BHMT: variants seen among roughly 807,000 people sequenced by gnomAD.
BHMT encodes betaine--homocysteine S-methyltransferase 1.
A neutral mutation model predicts 49.5 loss-of-function variants in BHMT; 38 were observed. That is an observed-to-expected ratio of 0.77 (90% confidence interval 0.59 to 1.01). The LOEUF (loss-of-function observed/expected upper bound fraction) is 1.01. Among genes scored for constraint, BHMT ranks in the 50% least tolerant of loss-of-function variants. The pLI is 0.00. For synonymous variants in BHMT, 166 were observed against 176.3 expected (o/e 0.94, Z 0.46); for missense variants, 426 against 495.7 (o/e 0.86, Z 1.34).
chr5:79,129,396 C>A (rs1756603498), intron 7 of BHMT, among the ~76,000 whole-genome samples: 1 of 152,106 alleles, frequency 6.6e-6, no homozygotes, highest in African/African-American at 2.4e-5. Context: ...AGGAACAGCC[C>A]TCAGGAAAGC....
intron 1 of BHMT, among the ~76,000 whole-genome samples, chr5:79,114,770 T>C (rs1369880676): frequency 6.6e-6 from 1 of 152,232 alleles, no homozygotes; most frequent in Admixed American, 6.5e-5. Context: ...ACTCTGGGTC[T>C]TAATTTCTCA....
At chr5:79,119,860 A>T (rs1405938220) in intron 3 of BHMT, among the ~76,000 whole-genome samples, 1 of 152,214 alleles carries the variant, frequency 6.6e-6, no homozygotes, top group African/African-American at 2.4e-5. Context: ...TTGTTTGTTG[A>T]GCATAACAAA....
At position 79,131,271 on chromosome 5, in the gene BHMT, G is replaced by C. The variant is rs967748391; in HGVS notation, c.*155G>C. 10 of 737,804 alleles carry C rather than the reference G, an allele frequency of 1.4e-5. No individual in the cohort carries two copies. In the Admixed American group the frequency reaches 3.3e-4, roughly 24 times the overall value. The allele number at this position is 737,804 out of a possible 1,614,324, so 45.7% of individuals were successfully genotyped here. ...CAAAATAGAATTACAAATAGCACTTGATAATTTTAAAGTATGTTTTAGAAA... is the reference window on the plus strand; with the variant it reads ...CAAAATAGAATTACAAATAGCACTTCATAATTTTAAAGTATGTTTTAGAAA... On this transcript the variant is annotated 3_prime_UTR_variant, in exon 8 of 8. Transcript: ENST00000274353.
At chr5:79,124,877 A>T (rs1756524475) in intron 5 of BHMT, among the ~76,000 whole-genome samples, 1 of 152,192 alleles carries the variant, frequency 6.6e-6, no homozygotes. Flanking sequence ...TTTTCCCCAA[A>T]CTATTAATCC....
chr5:79,126,121 G>C lies in BHMT; in HGVS notation c.701G>C (p.Gly234Ala). The C allele has an allele frequency of 6.2e-6, 10 of 1,613,502 alleles. No individual in the cohort carries two copies. Among genetic ancestry groups the C allele is most frequent in the Non-Finnish European group, 8.5e-6 (10 of 1,179,494 alleles). ...AAAACAGTGAAGCTCATGAAGGAGG[G>C]CTTGGAGGCTGCCCGACTGAAAGCT... ...SLKTVKLMKE[G>A]LEAARLKAHL... Residue 234 changes from glycine to alanine, a missense_variant, in exon 6 of 8, where the codon GGC becomes GCC. Physicochemically the swap from Gly to Ala is moderately conservative, Grantham distance 60. This residue lies in a region of BHMT where 321 missense variants were observed against 355.9 expected (regional missense o/e 0.90). Coordinates refer to ENST00000274353, the MANE Select transcript of BHMT (RefSeq NM_001713.3).
intron 7 of BHMT, among the ~76,000 whole-genome samples, chr5:79,128,635 T>TA (rs1219589837): frequency 6.6e-6 from 1 of 152,160 alleles, no homozygotes; most frequent in Non-Finnish European, 1.5e-5. Context: ...ACAATACTCT[T>TA]AAATTGCATT....
chr5:79,121,817 T>TA (rs34861837), intron 5 of BHMT, among the ~76,000 whole-genome samples: 86,400 of 126,284 alleles, frequency 0.68, 28,050 homozygotes, highest in East Asian at 0.82. Flanking sequence ...TCCGTCTCAA[T>TA]AAAAAAAAAA....
chr5:79,113,528 A>G (rs1193955746), intron 1 of BHMT, among the ~76,000 whole-genome samples: 1 of 152,236 alleles, frequency 6.6e-6, no homozygotes, highest in African/African-American at 2.4e-5. Flanking sequence ...TGAGTTTAAA[A>G]TTAAAATAAA....
intron 1 of BHMT, among the ~76,000 whole-genome samples, chr5:79,113,726 T>C (rs1259544262): frequency 2.6e-5 from 4 of 152,148 alleles, no homozygotes; most frequent in Admixed American, 1.3e-4. Context: ...ATTTTTTTCA[T>C]AGCACATTCC....
At chr5:79,119,745 G>T in intron 3 of BHMT, 1 of 186,764 alleles carries the variant, frequency 5.4e-6, no homozygotes, top group Non-Finnish European at 1.1e-5. Context: ...AATAGTGCCT[G>T]ACTCAAGCAT....
chr5:79,121,229 C>T lies in BHMT; in HGVS notation c.489C>T (p.His163=), dbSNP rs746836830. The T allele has an allele frequency of 2.7e-5, 43 of 1,613,902 alleles. No homozygotes were observed. Among genetic ancestry groups the T allele is most frequent in the Non-Finnish European group, 3.2e-5 (38 of 1,179,904 alleles). ...VDFLIAEYFE[H]VEEAVWAVET... ...TTAACTGATTCCAGTATTTTGAACACGTTGAAGAAGCTGTGTGGGCAGTTG... is the reference window on the plus strand; with the variant it reads ...TTAACTGATTCCAGTATTTTGAACATGTTGAAGAAGCTGTGTGGGCAGTTG... Residue 163 remains histidine, a synonymous_variant, in exon 5 of 8, where the codon CAC becomes CAT. Transcript: ENST00000274353.
At position 79,131,156 on chromosome 5, in the gene BHMT, G is replaced by T; in HGVS notation, c.*40G>T. ...ATTTTTGATGAATTTCTAGGTGTTT[G>T]GGTCACAGTTCCTACAAATACGGAA... is the stretch of plus-strand genomic sequence containing the variant. On this transcript the variant is annotated 3_prime_UTR_variant, in exon 8 of 8. Transcript: ENST00000274353. The T allele has an allele frequency of 6.4e-7, 1 of 1,571,278 alleles. No homozygotes were observed. The highest frequency in any genetic ancestry group is 1.2e-5 in the South Asian group (1 of 84,494).
At position 79,120,409 on chromosome 5, in the gene BHMT, T is replaced by C. The variant is rs1580270854; in HGVS notation, c.345T>C (p.Asp115=). ...CCCGACAAGTGGCTGATGAAGGAGA[T>C]GCTTTGGTAGCAGGAGGAGTGAGTC... The part of the protein sequence containing the change: ...DIARQVADEG[D]ALVAGGVSQT... The change falls in exon 4 of 8, where the codon GAT becomes GAC. Residue 115 remains aspartate (D), a synonymous_variant. Transcript: ENST00000274353. 1 of 1,614,032 alleles carries C rather than the reference T, an allele frequency of 6.2e-7. No homozygotes were observed. The highest frequency in any genetic ancestry group is 8.5e-7 in the Non-Finnish European group (1 of 1,179,992).
At chr5:79,125,459 GAAAAA>G (rs538684708) in intron 5 of BHMT, among the ~76,000 whole-genome samples, 1 of 104,532 alleles carries the variant, frequency 9.6e-6, no homozygotes. Flanking sequence ...CTGTGTCTCA[GAAAAA>G]AAAAAAAAAA....
rs67257787 is a variant in BHMT at position 79,128,529 on chromosome 5, T to TAAAA, written c.1037+561_1037+564dup. On this transcript the variant is annotated intron_variant, in intron 7 of 7. Transcript: ENST00000274353. ...TGGGCAACAGAGTGAGACCCTGTTTTAAAAAAAAAAAAAAAAAAGAATATA... is the reference window on the plus strand; with the variant it reads ...TGGGCAACAGAGTGAGACCCTGTTTTAAAAAAAAAAAAAAAAAAAAAAGAATATA... 1.3e-3 allele frequency among the ~76,000 whole-genome samples: 188 copies of TAAAA among 140,116 alleles called. 1 individual carries two copies. Among genetic ancestry groups the TAAAA allele is most frequent in the Middle Eastern group, 0.011 (3 of 274 alleles). The allele number at this position is 140,116 out of a possible 152,430, so 91.9% of individuals were successfully genotyped here.
At chr5:79,123,557 TTGGTTGG>T (rs1314977667) in intron 5 of BHMT, among the ~76,000 whole-genome samples, 2 of 134,608 alleles carry the variant, frequency 1.5e-5, no homozygotes, top group Non-Finnish European at 3.3e-5. Context: ...CGTTGGTTGG[TTGGTTGG>T]TTTTGAGACA....
intron 1 of BHMT, 64 bp from the exon 2 acceptor site, chr5:79,115,703 T>G: frequency 6.9e-7 from 1 of 1,457,614 alleles, no homozygotes. Context: ...GCAAAAGTAA[T>G]AAAAATAGAA....
intron 7 of BHMT, among the ~76,000 whole-genome samples, chr5:79,130,448 TTC>T (rs1756618646): frequency 1.3e-5 from 2 of 152,250 alleles, no homozygotes; most frequent in African/African-American, 4.8e-5. Context: ...CCTCAACTGC[TTC>T]TGATGTTTCT....
At chr5:79,125,827 C>T (rs1020142465) in intron 5 of BHMT, among the ~76,000 whole-genome samples, 1 of 152,082 alleles carries the variant, frequency 6.6e-6, no homozygotes, top group Non-Finnish European at 1.5e-5. Flanking sequence ...CTTGTAGTCA[C>T]AGCAACTTGG....
Sources: allele counts gnomAD v4.1 joint callset (sites outside exome capture counted in the v4.1 genomes callset), GRCh38; gene constraint gnomAD v4.1.1; regional missense constraint gnomAD v4.1.1; transcripts MANE v1.5; gene names NCBI Gene and HGNC (gene_info 2026-07-23, HGNC 2026-07-21).